GATB: variants seen among roughly 807,000 people sequenced by gnomAD.
GATB encodes the protein glutamyl-tRNA(Gln) amidotransferase subunit B, mitochondrial.
Under a neutral mutation model 62.3 loss-of-function variants are expected in GATB, and 39 were observed. The ratio of observed to expected loss-of-function variants is 0.63; its 90% CI spans 0.48 to 0.82. GATB has a LOEUF of 0.82. Among genes scored for constraint, GATB ranks in the 40% least tolerant of loss-of-function variants. The pLI, the probability that GATB is intolerant of heterozygous loss-of-function variation, is 0.00. For missense variants in GATB, 670 were observed against 684.0 expected (o/e 0.98, Z 0.23); for synonymous variants, 276 against 258.9 (o/e 1.07, Z -0.63).
intron 2 of GATB, among the ~76,000 whole-genome samples, chr4:151,740,975 C>T (rs1480678983): frequency 6.6e-6 from 1 of 152,072 alleles, no homozygotes; most frequent in Non-Finnish European, 1.5e-5. Context: ...TTTGTACTCT[C>T]AGGCATCTTT....
chr4:151,700,922 C>G (rs545711523), intron 9 of GATB, among the ~76,000 whole-genome samples: 1 of 152,166 alleles, frequency 6.6e-6, no homozygotes, highest in Non-Finnish European at 1.5e-5. Flanking sequence ...CTTTTGAGAA[C>G]GCAACATCCT....
chr4:151,709,890 G>A (rs562695212), intron 5 of GATB, among the ~76,000 whole-genome samples: 2 of 152,172 alleles, frequency 1.3e-5, no homozygotes, highest in South Asian at 2.1e-4. Flanking sequence ...GGATTCAGTC[G>A]ACATAACCTG....
Position 151,730,812 on chromosome 4 carries a change from T to C in GATB, c.328-11274A>G, listed in dbSNP as rs1310254812. 1.3e-5 allele frequency among the ~76,000 whole-genome samples: 2 copies of C among 152,156 alleles called. No homozygotes were observed. Among genetic ancestry groups the C allele is most frequent in the African/African-American group, 4.8e-5 (2 of 41,432 alleles). On this transcript the variant is annotated intron_variant, in intron 2 of 12. Coordinates refer to ENST00000263985, the MANE Select transcript of GATB (RefSeq NM_004564.3). This position sits in a 1 kb window ranked among gnomAD's most constrained non-coding sequence, Gnocchi z 4.1. The stretch of plus-strand genomic sequence containing the variant: ...CCTGGACCTTCCCTCTGACAGAGCC[T>C]ACCCAAATGAGAAGGAACGAGAAAA...
intron 5 of GATB, among the ~76,000 whole-genome samples, chr4:151,713,729 CTCTCT>C (rs1455924213): frequency 6.6e-6 from 1 of 152,160 alleles, no homozygotes; most frequent in Non-Finnish European, 1.5e-5. Flanking sequence ...GCTATCCTGC[CTCTCT>C]TAAGTCAGCA....
chr4:151,673,191 C>T (rs1484290779), intron 11 of GATB: 4 of 243,452 alleles, frequency 1.6e-5, no homozygotes, highest in Admixed American at 9.8e-5. Context: ...TGAGAGGACT[C>T]GGGCCAGCCA....
At chr4:151,697,949 GTGTGTATATATATATATATATATA>G (rs1738508404) in intron 9 of GATB, among the ~76,000 whole-genome samples, 2 of 96,972 alleles carry the variant, frequency 2.1e-5, no homozygotes, top group African/African-American at 1.3e-4. Context: ...GTGTGTGTGT[GTGTGTATATATATATATATATATA>G]TATATATATA....
chr4:151,682,650 T>C (rs946425454), intron 10 of GATB, among the ~76,000 whole-genome samples: 4 of 151,882 alleles, frequency 2.6e-5, no homozygotes, highest in African/African-American at 4.8e-5. Flanking sequence ...ATCTCCTGCT[T>C]GGATGAGAGC....
intron 5 of GATB, among the ~76,000 whole-genome samples, chr4:151,713,553 T>C (rs1738860591): frequency 6.6e-6 from 1 of 152,222 alleles, no homozygotes; most frequent in Admixed American, 6.5e-5. Flanking sequence ...TCCTTTCCTC[T>C]TTGGTTTCTT....
intron 9 of GATB, among the ~76,000 whole-genome samples, chr4:151,698,072 C>G (rs940602088): frequency 6.8e-6 from 1 of 147,424 alleles, no homozygotes; most frequent in Non-Finnish European, 1.5e-5. Context: ...GGCAAGATAC[C>G]CCATGATTCT....
chr4:151,719,400 G>A (rs751376302), intron 3 of GATB, 25 bp downstream of exon 3: 6 of 1,524,934 alleles, frequency 3.9e-6, no homozygotes, highest in Non-Finnish European at 5.4e-6. Context: ...AACTTGCAGT[G>A]GGGTGGATCA....
At chr4:151,735,288 T>C (rs1481463126) in intron 2 of GATB, among the ~76,000 whole-genome samples, 1 of 141,908 alleles carries the variant, frequency 7.0e-6, no homozygotes, top group Non-Finnish European at 1.5e-5. Context: ...AGGGCATGAA[T>C]AGACAATTCT....
intron 9 of GATB, among the ~76,000 whole-genome samples, chr4:151,699,898 T>C (rs1738564573): frequency 6.6e-6 from 1 of 152,200 alleles, no homozygotes; most frequent in Non-Finnish European, 1.5e-5. Flanking sequence ...AAGGGTTGGC[T>C]TGGGCTCCTG....
intron 9 of GATB, among the ~76,000 whole-genome samples, chr4:151,694,377 G>C (rs1453230333): frequency 6.6e-6 from 1 of 152,138 alleles, no homozygotes; most frequent in African/African-American, 2.4e-5. Flanking sequence ...TCTGAGCCCA[G>C]AGCATCTTCC....
At chr4:151,751,592 TGGTA>T (rs1560867091) in intron 2 of GATB, among the ~76,000 whole-genome samples, 1 of 152,260 alleles carries the variant, frequency 6.6e-6, no homozygotes, top group Non-Finnish European at 1.5e-5. Flanking sequence ...CTTCCAATTA[TGGTA>T]GGTAAGAATT....
intron 2 of GATB, among the ~76,000 whole-genome samples, chr4:151,726,267 C>A (rs138248786): frequency 3.9e-4 from 59 of 152,300 alleles, no homozygotes; most frequent in Non-Finnish European, 7.9e-4. Context: ...GCAAAAGTTA[C>A]CACACGGATA....
Position 151,758,572 on chromosome 4 carries a change from G to A in GATB, c.327+200C>T, listed in dbSNP as rs540067912. 3.9e-5 allele frequency among the ~76,000 whole-genome samples: 6 copies of A among 152,270 alleles called. No homozygotes were observed. The East Asian group carries it at 5.8e-4, about 15-fold the overall frequency. ...AATGTTTGTGAAGTGATGAATACAT[G>A]TATGAATATATTCAGACTTAGAAAC... On this transcript the variant is annotated intron_variant, in intron 2 of 12. Coordinates refer to ENST00000263985, the MANE Select transcript of GATB (RefSeq NM_004564.3).
At chr4:151,672,527 G>A (rs1322786362) in intron 12 of GATB, 2 of 519,092 alleles carry the variant, frequency 3.9e-6, no homozygotes, top group Non-Finnish European at 6.9e-6. Flanking sequence ...CCTCCATGGA[G>A]AGTAAACTCC....
chr4:151,739,356 T>C (rs148920110), intron 2 of GATB, among the ~76,000 whole-genome samples: 7 of 152,286 alleles, frequency 4.6e-5, no homozygotes, highest in South Asian at 2.1e-4. Context: ...CCTGACTACC[T>C]ACCCATGCCA....
At position 151,672,887 on chromosome 4, in the gene GATB, C is replaced by G. The variant is rs769933304; in HGVS notation, c.1420G>C (p.Glu474Gln). 1 of 1,614,136 alleles carries G rather than the reference C, an allele frequency of 6.2e-7. No individual in the cohort carries two copies. The highest frequency in any genetic ancestry group is 8.5e-7 in the Non-Finnish European group (1 of 1,179,988). ...GTCTTGCCTTCCCTCTTCCACAGTT[C>G]CTCAAACACCTATGGACCAGAGAAG... ...SSSAAKQVFE[E>Q]LWKREGKTPG... is the part of the protein sequence containing the mutation. The change falls in exon 12 of 13, where the codon GAA becomes CAA. Residue 474 changes from glutamate (E) to glutamine (Q), a missense_variant. By Grantham distance (29) the Glu-to-Gln change is conservative. Coordinates refer to ENST00000263985, the MANE Select transcript of GATB (RefSeq NM_004564.3).
Sources: allele counts gnomAD v4.1 joint callset (sites outside exome capture counted in the v4.1 genomes callset), GRCh38; gene constraint gnomAD v4.1.1; non-coding constraint Gnocchi (gnomAD v3.1); transcripts MANE v1.5; gene names NCBI Gene and HGNC (gene_info 2026-07-23, HGNC 2026-07-21).